MSH4: variants seen among roughly 807,000 people sequenced by gnomAD.
The protein encoded by MSH4 is mutS protein homolog 4.
Under a neutral mutation model 113.7 loss-of-function variants are expected in MSH4, and 106 were observed. The ratio of observed to expected loss-of-function variants is 0.93; its 90% CI spans 0.80 to 1.10. The LOEUF (loss-of-function observed/expected upper bound fraction) is 1.10. MSH4 is among the 50% of genes least tolerant of loss of function. MSH4 has a pLI of 0.00. For missense variants in MSH4, 1,061 were observed against 1,093.7 expected, an observed-to-expected ratio of 0.97 and a Z score of 0.42; for synonymous variants, 368 against 380.2, an observed-to-expected ratio of 0.97 and a Z score of 0.37.
chr1:75,810,412 A>ATTTTTTTT (rs760146124), intron 3 of MSH4, among the ~76,000 whole-genome samples: 25 of 104,452 alleles, frequency 2.4e-4, no homozygotes, highest in Non-Finnish European at 2.7e-4. Flanking sequence ...TAATTTTTGT[A>ATTTTTTTT]TTTTTTTTTT....
At chr1:75,812,137 T>C (rs552302160) in intron 4 of MSH4, among the ~76,000 whole-genome samples, 45 of 152,176 alleles carry the variant, frequency 3.0e-4, no homozygotes, top group Non-Finnish European at 5.9e-4. Context: ...TAATGTAAAC[T>C]ACCTTATGCA....
At chr1:75,903,942 C>G (rs1217694389) in intron 19 of MSH4, among the ~76,000 whole-genome samples, 1 of 151,978 alleles carries the variant, frequency 6.6e-6, no homozygotes, top group East Asian at 1.9e-4. Flanking sequence ...CTGTTTTGTT[C>G]CAGAAGTTAG....
At chr1:75,903,356 C>T (rs921260064) in intron 19 of MSH4, among the ~76,000 whole-genome samples, 3 of 151,866 alleles carry the variant, frequency 2.0e-5, no homozygotes, top group African/African-American at 7.3e-5. Context: ...GGACTTATTT[C>T]TGGGTTCTCT....
intron 10 of MSH4, among the ~76,000 whole-genome samples, chr1:75,877,234 T>C (rs1168240163): frequency 1.3e-5 from 2 of 152,120 alleles, no homozygotes; most frequent in Non-Finnish European, 2.9e-5. Flanking sequence ...GCATGAAAAC[T>C]TGAAATCCAA....
intron 19 of MSH4, 41 bp from the exon 20 acceptor site, chr1:75,912,655 T>G: frequency 1.7e-6 from 2 of 1,175,398 alleles, no homozygotes; most frequent in Non-Finnish European, 2.2e-6. Flanking sequence ...AATTATGGTA[T>G]TTGTGTATAT....
chr1:75,829,194 A>G (rs1650626081), intron 7 of MSH4, among the ~76,000 whole-genome samples: 1 of 152,160 alleles, frequency 6.6e-6, no homozygotes, highest in Admixed American at 6.5e-5. Flanking sequence ...CTGCTAGCAC[A>G]GCAGTCTGAG....
At chr1:75,888,905 T>TC (rs1346811282) in intron 15 of MSH4, among the ~76,000 whole-genome samples, 1 of 151,006 alleles carries the variant, frequency 6.6e-6, no homozygotes, top group African/African-American at 2.4e-5. Flanking sequence ...TTTTTTTTTT[T>TC]TTTTTTTGAG....
Position 75,900,418 on chromosome 1 carries a change from C to T in MSH4, c.2619+712C>T, listed in dbSNP as rs144829889. On this transcript the variant is annotated intron_variant, in intron 19 of 19. Transcript: ENST00000263187. ...CTGGGTTTAAGCGATTCTCCTGTCTCAGTCTCCTGAGTAGCTGGGATTACA... is the reference window on the plus strand; with the variant it reads ...CTGGGTTTAAGCGATTCTCCTGTCTTAGTCTCCTGAGTAGCTGGGATTACA... Among the ~76,000 whole-genome samples the T allele has an allele frequency of 2.8e-3, 429 of 152,250 alleles. 1 individual carries two copies. The highest frequency in any genetic ancestry group is 9.2e-3 in the African/African-American group (383 of 41,556).
At chr1:75,807,745 T>TA (rs1330411642) in intron 3 of MSH4, among the ~76,000 whole-genome samples, 3 of 151,846 alleles carry the variant, frequency 2.0e-5, no homozygotes, top group Non-Finnish European at 4.4e-5. Context: ...TTGACTGTAT[T>TA]AAAAAAATAC....
At chr1:75,889,156 T>C (rs1420199281) in intron 15 of MSH4, 95 bp from the exon 16 acceptor site, 2 of 645,456 alleles carry the variant, frequency 3.1e-6, no homozygotes, top group African/African-American at 3.9e-5. Context: ...CTTTCTACCA[T>C]ATAATCCTTG....
In MSH4 at chr1:75,869,847, G is replaced by A. The variant is rs867007336; in HGVS notation, c.1305+2259G>A. Among the ~76,000 whole-genome samples the A allele has an allele frequency of 7.2e-5, 11 of 152,296 alleles. 1 individual carries two copies. The Middle Eastern group carries it at 0.031, about 424-fold the overall frequency. ...CAGTGCAGAAGGAAAATGGGCAAAA[G>A]CCCCCACACAGAGTCCCCACTTGGG... On this transcript the variant is annotated intron_variant, in intron 9 of 19. Coordinates refer to ENST00000263187, the MANE Select transcript of MSH4 (RefSeq NM_002440.4).
At chr1:75,890,338 C>T (rs373287551) in intron 16 of MSH4, among the ~76,000 whole-genome samples, 1 of 151,886 alleles carries the variant, frequency 6.6e-6, no homozygotes, top group East Asian at 1.9e-4. Flanking sequence ...TACTTTATAG[C>T]AGTAATTGAT....
At chr1:75,907,660 A>ATCTCTCTC (rs138292747) in intron 19 of MSH4, among the ~76,000 whole-genome samples, 17,605 of 92,466 alleles carry the variant, frequency 0.19, 2,224 homozygotes, top group Middle Eastern at 0.24. Context: ...TCCACGGTGT[A>ATCTCTCTC]TCTCTCTCTC....
chr1:75,885,049 G>GTATA (rs1431311570), intron 15 of MSH4, among the ~76,000 whole-genome samples: 1 of 109,058 alleles, frequency 9.2e-6, no homozygotes, highest in Admixed American at 9.3e-5. Context: ...GTGTGTGTGT[G>GTATA]TGTGTGTGTG....
At chr1:75,822,287 T>TC in intron 6 of MSH4, 122 bp from the exon 7 acceptor site, 1 of 451,638 alleles carries the variant, frequency 2.2e-6, no homozygotes, top group Non-Finnish European at 3.5e-6. Context: ...AGACTCTGTT[T>TC]CAAAAAAAAA....
At chr1:75,906,210 T>C (rs1652626571) in intron 19 of MSH4, among the ~76,000 whole-genome samples, 1 of 151,308 alleles carries the variant, frequency 6.6e-6, no homozygotes, top group Admixed American at 6.6e-5. Flanking sequence ...ATGCTGGTCT[T>C]GAACTCCTGT....
At chr1:75,869,379 G>A (rs1202515037) in intron 9 of MSH4, among the ~76,000 whole-genome samples, 3 of 152,158 alleles carry the variant, frequency 2.0e-5, no homozygotes, top group African/African-American at 7.2e-5. Context: ...CATTTTCTGG[G>A]GAGAAATTCA....
chr1:75,889,797 C>A (rs900871220), intron 16 of MSH4, among the ~76,000 whole-genome samples: 13 of 152,038 alleles, frequency 8.6e-5, no homozygotes, highest in Non-Finnish European at 1.9e-4. Context: ...ACCAAAGTAT[C>A]ACCTATTTCT....
intron 1 of MSH4, 65 bp from the exon 2 acceptor site, chr1:75,803,663 TATA>T (rs1401319553): frequency 5.3e-6 from 6 of 1,128,762 alleles, no homozygotes; most frequent in East Asian, 5.5e-5. Flanking sequence ...TGGTATAAAT[TATA>T]ATGACTAATA....
Sources: allele counts gnomAD v4.1 joint callset (sites outside exome capture counted in the v4.1 genomes callset), GRCh38; gene constraint gnomAD v4.1.1; transcripts MANE v1.5; gene names NCBI Gene and HGNC (gene_info 2026-07-23, HGNC 2026-07-21).